CAMKMT: variants seen among roughly 807,000 people sequenced by gnomAD.
CAMKMT encodes the protein CaM KMT.
Under a neutral mutation model 48.0 loss-of-function variants are expected in CAMKMT, and 53 were observed. That is an observed-to-expected ratio of 1.10 (90% confidence interval 0.89 to 1.39). The LOEUF (loss-of-function observed/expected upper bound fraction) is 1.39. Ranked by LOEUF, CAMKMT falls within the 40% of genes most tolerant of loss-of-function variation. CAMKMT has a pLI of 0.00. For synonymous variants in CAMKMT, 165 were observed against 152.3 expected (o/e 1.08, Z -0.61); for missense variants, 428 against 402.7 (o/e 1.06, Z -0.54).
chr2:44,537,922 C>T (rs1666870862), intron 3 of CAMKMT, among the ~76,000 whole-genome samples: 1 of 152,142 alleles, frequency 6.6e-6, no homozygotes, highest in Non-Finnish European at 1.5e-5. Flanking sequence ...AAAAGTAGAT[C>T]TACCATTCAA....
chr2:44,625,846 T>A (rs1672452245), intron 3 of CAMKMT, among the ~76,000 whole-genome samples: 1 of 152,174 alleles, frequency 6.6e-6, no homozygotes, highest in Non-Finnish European at 1.5e-5. Context: ...TACTGGACTG[T>A]CTTTTCTATT....
intron 3 of CAMKMT, among the ~76,000 whole-genome samples, chr2:44,676,387 A>G (rs967133621): frequency 3.3e-5 from 5 of 152,218 alleles, no homozygotes; most frequent in East Asian, 3.8e-4. Context: ...TTCACTATGT[A>G]TAAAACCCAA....
chr2:44,659,423 T>C (rs1674558381), intron 3 of CAMKMT, among the ~76,000 whole-genome samples: 2 of 151,756 alleles, frequency 1.3e-5, no homozygotes, highest in Admixed American at 1.3e-4. Flanking sequence ...CAAGACCCAG[T>C]TTCAAGAAAG....
At chr2:44,516,611 T>G (rs1038569879) in intron 3 of CAMKMT, among the ~76,000 whole-genome samples, 7 of 152,102 alleles carry the variant, frequency 4.6e-5, no homozygotes, top group Admixed American at 2.0e-4. Context: ...TTAGAAAAGC[T>G]CTGTATGTTT....
chr2:44,534,382 T>C (rs903315276), intron 3 of CAMKMT, among the ~76,000 whole-genome samples: 6 of 152,196 alleles, frequency 3.9e-5, no homozygotes, highest in East Asian at 3.8e-4. Context: ...TTATACCAAA[T>C]GGGCTTTATA....
intron 3 of CAMKMT, among the ~76,000 whole-genome samples, chr2:44,651,742 T>A (rs1016434685): frequency 6.6e-6 from 1 of 152,220 alleles, no homozygotes; most frequent in Non-Finnish European, 1.5e-5. Flanking sequence ...TACGAATCCT[T>A]TTCCCAACTT....
At chr2:44,364,068 G>A (rs1405263008) in intron 1 of CAMKMT, among the ~76,000 whole-genome samples, 4 of 136,798 alleles carry the variant, frequency 2.9e-5, no homozygotes, top group African/African-American at 1.1e-4. Context: ...GCCCAGGCAG[G>A]TAACTCCTGG....
In CAMKMT at chr2:44,753,638, C is replaced by T. The variant is rs2104388847; in HGVS notation, c.699-417C>T. Reference sequence around the variant, plus strand: ...GAGATATATTTCATGGTTTGGGTGTCATAGGGCTGGTGGTTTGTGGTCTGA... The same window carrying T: ...GAGATATATTTCATGGTTTGGGTGTTATAGGGCTGGTGGTTTGTGGTCTGA... On this transcript the variant is annotated intron_variant, in intron 8 of 10. Transcript: ENST00000378494. Among the ~76,000 whole-genome samples, 4 of 152,262 alleles carry T rather than the reference C, an allele frequency of 2.6e-5. 1 individual carries two copies. The Middle Eastern group carries it at 0.014, about 518-fold the overall frequency.
chr2:44,688,469 T>C (rs775015231), intron 3 of CAMKMT, among the ~76,000 whole-genome samples: 3 of 151,842 alleles, frequency 2.0e-5, no homozygotes, highest in Admixed American at 6.6e-5. Flanking sequence ...CCAGCTCTCA[T>C]ACATATATAT....
chr2:44,470,364 C>T (rs991156196), intron 3 of CAMKMT, among the ~76,000 whole-genome samples: 1 of 152,178 alleles, frequency 6.6e-6, no homozygotes, highest in Non-Finnish European at 1.5e-5. Flanking sequence ...TTTGTGAGGG[C>T]AGCTTCAGAC....
chr2:44,409,264 A>G (rs958829182), intron 3 of CAMKMT, among the ~76,000 whole-genome samples: 2 of 151,474 alleles, frequency 1.3e-5, no homozygotes, highest in African/African-American at 4.8e-5. Flanking sequence ...GCATTCTTGC[A>G]GGTATGTATT....
At chr2:44,378,304 A>G (rs1679899117) in intron 2 of CAMKMT, among the ~76,000 whole-genome samples, 1 of 152,202 alleles carries the variant, frequency 6.6e-6, no homozygotes, top group African/African-American at 2.4e-5. Flanking sequence ...GTTTCAGTAA[A>G]TTGAAATGTT....
chr2:44,581,468 G>A (rs548526999), intron 3 of CAMKMT, among the ~76,000 whole-genome samples: 40 of 152,290 alleles, frequency 2.6e-4, no homozygotes, highest in Admixed American at 1.9e-3. Flanking sequence ...TATCCAGGCT[G>A]ACCATTAAAT....
At chr2:44,526,696 C>G (rs576914904) in intron 3 of CAMKMT, among the ~76,000 whole-genome samples, 1 of 152,270 alleles carries the variant, frequency 6.6e-6, no homozygotes, top group Admixed American at 6.5e-5. Flanking sequence ...TGATGCCCAC[C>G]TACACTGGCA....
intron 3 of CAMKMT, among the ~76,000 whole-genome samples, chr2:44,567,502 A>G (rs1195673435): frequency 6.6e-6 from 1 of 152,158 alleles, no homozygotes; most frequent in Non-Finnish European, 1.5e-5. Context: ...AATCCTTTGT[A>G]ATAGAGTAAG....
intron 3 of CAMKMT, among the ~76,000 whole-genome samples, chr2:44,511,642 G>A (rs1225212005): frequency 4.6e-5 from 7 of 152,176 alleles, no homozygotes; most frequent in African/African-American, 9.6e-5. Context: ...ATTCTTAATC[G>A]TTACATTGGA....
At chr2:44,591,910 G>T (rs1428394780) in intron 3 of CAMKMT, among the ~76,000 whole-genome samples, 1 of 152,116 alleles carries the variant, frequency 6.6e-6, no homozygotes, top group East Asian at 1.9e-4. Flanking sequence ...CATGTCCTTT[G>T]TAGGAACATG....
At chr2:44,578,813 T>C (rs1385781856) in intron 3 of CAMKMT, among the ~76,000 whole-genome samples, 1 of 152,154 alleles carries the variant, frequency 6.6e-6, no homozygotes, top group African/African-American at 2.4e-5. Flanking sequence ...TTAGAAGAAG[T>C]TGAAGACCAA....
intron 8 of CAMKMT, among the ~76,000 whole-genome samples, chr2:44,747,822 T>A (rs1341918764): frequency 6.6e-6 from 1 of 152,212 alleles, no homozygotes; most frequent in Non-Finnish European, 1.5e-5. Flanking sequence ...GTGATTCAGA[T>A]CAATGGAAGA....
Sources: allele counts gnomAD v4.1 joint callset (sites outside exome capture counted in the v4.1 genomes callset), GRCh38; gene constraint gnomAD v4.1.1; transcripts MANE v1.5; gene names NCBI Gene and HGNC (gene_info 2026-07-23, HGNC 2026-07-21).